The following PDE11A variants were observed in gnomAD, a reference collection of about 807,000 sequenced individuals.
The protein encoded by PDE11A is phosphodiesterase 11A.
In PDE11A, 100 loss-of-function variants were observed where a neutral mutation model predicts 100.5. The observed-to-expected ratio is 1.00, with a 90% confidence interval of 0.85 to 1.18. The LOEUF is 1.18. Among genes scored for constraint, PDE11A ranks in the 50% most tolerant of loss-of-function variants. PDE11A has a pLI of 0.00. For synonymous variants in PDE11A, 381 were observed against 420.8 expected, an observed-to-expected ratio of 0.91 and a Z score of 1.16; for missense variants, 1,141 against 1,152.6, an observed-to-expected ratio of 0.99 and a Z score of 0.15.
rs2087139977 is a variant in PDE11A, at chr2:178,072,053, T to C, written c.385A>G (p.Lys129Glu). 2 of 1,613,856 alleles carry C rather than the reference T, an allele frequency of 1.2e-6. No homozygotes were observed. Among genetic ancestry groups the C allele is most frequent in the African/African-American group, 1.3e-5 (1 of 74,904 alleles). The change falls in exon 1 of 20, where the codon AAG (lysine) becomes GAG (glutamate). Residue 129 changes from lysine to glutamate, a missense_variant. By Grantham distance (56) the Lys-to-Glu change is moderately conservative. Transcript: ENST00000286063. The part of the protein sequence containing the change: ...KELRKSFARS[K>E]AIHVNRTYDE... Reference sequence around the variant, plus strand: ...TAGGTCCTGTTCACGTGGATGGCCTTGGAGCGGGCAAAACTCTTCCTTAGC... The same window carrying C: ...TAGGTCCTGTTCACGTGGATGGCCTCGGAGCGGGCAAAACTCTTCCTTAGC...
intron 2 of PDE11A, among the ~76,000 whole-genome samples, chr2:177,920,389 G>A (rs6716206): frequency 0.16 from 23,929 of 151,564 alleles, 1,950 homozygotes; most frequent in Middle Eastern, 0.27. Flanking sequence ...TTGCCAAAAA[G>A]AAACACAAAT....
chr2:177,675,206 C>T (rs1011126667), intron 17 of PDE11A, among the ~76,000 whole-genome samples: 5 of 150,254 alleles, frequency 3.3e-5, no homozygotes, highest in South Asian at 2.1e-4. Context: ...ATTCAGATTT[C>T]GCACATTAAA....
At chr2:177,714,053 G>C (rs2081399625) in intron 12 of PDE11A, among the ~76,000 whole-genome samples, 1 of 136,478 alleles carries the variant, frequency 7.3e-6, no homozygotes, top group African/African-American at 2.7e-5. Context: ...GAGTGCAGTG[G>C]CGCGATCTTG....
intron 5 of PDE11A, among the ~76,000 whole-genome samples, chr2:177,868,220 G>C (rs879903255): frequency 1.8e-4 from 28 of 152,284 alleles, no homozygotes; most frequent in Admixed American, 3.3e-4. Flanking sequence ...CTAATGTTGA[G>C]AAAAGTCACA....
At chr2:177,957,888 T>C (rs1406121324) in intron 2 of PDE11A, among the ~76,000 whole-genome samples, 6 of 140,210 alleles carry the variant, frequency 4.3e-5, no homozygotes, top group African/African-American at 1.4e-4. Context: ...TGCTCTATCC[T>C]TTACCTTTGT....
intron 1 of PDE11A, among the ~76,000 whole-genome samples, chr2:178,063,835 A>G (rs975242770): frequency 6.6e-6 from 1 of 152,202 alleles, no homozygotes; most frequent in African/African-American, 2.4e-5. Flanking sequence ...TAAGCCTCAA[A>G]TGCTAGAACA....
At chr2:177,826,041 C>T (rs190674033) in intron 6 of PDE11A, among the ~76,000 whole-genome samples, 1 of 152,292 alleles carries the variant, frequency 6.6e-6, no homozygotes, top group Admixed American at 6.5e-5. Context: ...GTGCCTTGGT[C>T]ATTCTTGGTT....
upstream of PDE11A, among the ~76,000 whole-genome samples, chr2:178,077,737 G>A (rs2087225843): frequency 6.6e-6 from 1 of 152,088 alleles, no homozygotes; most frequent in Non-Finnish European, 1.5e-5. Flanking sequence ...TGGATTTAGG[G>A]TGGGTTCTAA....
intron 2 of PDE11A, among the ~76,000 whole-genome samples, chr2:178,080,426 T>G (rs1163554765): frequency 6.6e-6 from 1 of 152,226 alleles, no homozygotes; most frequent in African/African-American, 2.4e-5. Context: ...TGCTTGTTTT[T>G]GTCAGGTTTG....
intron 4 of PDE11A, among the ~76,000 whole-genome samples, chr2:177,897,039 T>C (rs2084622963): frequency 6.6e-6 from 1 of 152,184 alleles, no homozygotes; most frequent in Non-Finnish European, 1.5e-5. Flanking sequence ...ACTTATTAAA[T>C]GTCCAAAATT....
At chr2:177,758,532 C>T (rs2082126735) in intron 10 of PDE11A, among the ~76,000 whole-genome samples, 1 of 152,126 alleles carries the variant, frequency 6.6e-6, no homozygotes, top group Admixed American at 6.5e-5. Flanking sequence ...AGAAGGAGTG[C>T]CTGATGGCTC....
intron 6 of PDE11A, among the ~76,000 whole-genome samples, chr2:177,826,330 G>T (rs1214281972): frequency 1.3e-5 from 2 of 152,170 alleles, no homozygotes; most frequent in Non-Finnish European, 2.9e-5. Flanking sequence ...ATAAATTGGT[G>T]ATAATATAAT....
In PDE11A at chr2:177,885,667, G is replaced by A. The variant is rs572651106; in HGVS notation, c.1303-9744C>T. 2.6e-5 allele frequency among the ~76,000 whole-genome samples: 4 copies of A among 152,268 alleles called. No homozygotes were observed. In the East Asian group the frequency reaches 7.7e-4, roughly 29 times the overall value. On this transcript the variant is annotated intron_variant, in intron 4 of 19. Transcript: ENST00000286063. ...AAGTGATATAGAAAGCAAAGGCTGAGGCAATTTTTGCAACTCACTTGAGAA... is the reference window on the plus strand; with the variant it reads ...AAGTGATATAGAAAGCAAAGGCTGAAGCAATTTTTGCAACTCACTTGAGAA...
chr2:178,101,996 C>A (rs990187618), intron 2 of PDE11A, among the ~76,000 whole-genome samples: 9 of 152,034 alleles, frequency 5.9e-5, no homozygotes, highest in Admixed American at 3.3e-4. Context: ...CAGGGTCTCA[C>A]TCTGTCACCC....
chr2:177,940,235 T>C (rs1318523043), intron 2 of PDE11A, among the ~76,000 whole-genome samples: 1 of 152,214 alleles, frequency 6.6e-6, no homozygotes, highest in Non-Finnish European at 1.5e-5. Context: ...TAAAACAGTA[T>C]CTTTTAAAGA....
chr2:177,862,516 C>A (rs1457932810), intron 5 of PDE11A, among the ~76,000 whole-genome samples: 1 of 151,690 alleles, frequency 6.6e-6, no homozygotes, highest in African/African-American at 2.4e-5. Context: ...AATCAACATA[C>A]AAAAATCAGT....
At chr2:177,965,983 C>G (rs1453706504) in intron 2 of PDE11A, among the ~76,000 whole-genome samples, 3 of 152,108 alleles carry the variant, frequency 2.0e-5, no homozygotes, top group Non-Finnish European at 4.4e-5. Flanking sequence ...TCTTCCAATC[C>G]ATAAGCATGG....
At chr2:178,027,807 A>G (rs1002081249) in intron 1 of PDE11A, among the ~76,000 whole-genome samples, 6 of 152,130 alleles carry the variant, frequency 3.9e-5, no homozygotes, top group African/African-American at 1.4e-4. Flanking sequence ...GGATTTTTCA[A>G]CTCTCTCAGA....
At chr2:177,718,142 G>A (rs532255017) in intron 12 of PDE11A, among the ~76,000 whole-genome samples, 1 of 152,354 alleles carries the variant, frequency 6.6e-6, no homozygotes, top group Non-Finnish European at 1.5e-5. Context: ...ATAGTGCTTA[G>A]TATATGCCGG....
Sources: allele counts gnomAD v4.1 joint callset (sites outside exome capture counted in the v4.1 genomes callset), GRCh38; gene constraint gnomAD v4.1.1; transcripts MANE v1.5; gene names NCBI Gene and HGNC (gene_info 2026-07-23, HGNC 2026-07-21).